Variants in PAK3 observed in about 807,000 individuals in gnomAD.
PAK3 encodes serine/threonine-protein kinase PAK 3.
A neutral mutation model predicts 41.0 loss-of-function variants in PAK3; 4 were observed. The ratio of observed to expected loss-of-function variants is 0.10; its 90% CI spans 0.05 to 0.22. The LOEUF (loss-of-function observed/expected upper bound fraction) is 0.22. Ranked by LOEUF, PAK3 falls within the 10% of genes least tolerant of loss-of-function variation. PAK3 has a pLI of 1.00. For synonymous variants in PAK3, 146 were observed against 139.6 expected (o/e 1.05, Z -0.32); for missense variants, 205 against 409.9 (o/e 0.50, Z 4.32).
chrX:111,090,411 G>T (rs900443828), intron 1 of PAK3, among the ~76,000 whole-genome samples: 1 of 111,557 alleles, frequency 9.0e-6, no homozygotes, highest in African/African-American at 3.3e-5. Flanking sequence ...GGTAGATATG[G>T]AACTCTTCAA....
chrX:110,981,918 C>G (rs751204232), intron 1 of PAK3, among the ~76,000 whole-genome samples: 1 of 111,510 alleles, frequency 9.0e-6, no homozygotes, highest in Non-Finnish European at 1.9e-5. Flanking sequence ...ATGGTGTTTT[C>G]CTTGGCTAGA....
At chrX:111,134,083 A>G (rs1192446138) in intron 5 of PAK3, among the ~76,000 whole-genome samples, 1 of 112,248 alleles carries the variant, frequency 8.9e-6, no homozygotes, top group Non-Finnish European at 1.9e-5. Flanking sequence ...TACAACAAGG[A>G]AGACTCAGGT....
intron 1 of PAK3, among the ~76,000 whole-genome samples, chrX:110,998,834 A>G (rs1190555395): frequency 8.9e-6 from 1 of 112,352 alleles, no homozygotes; most frequent in East Asian, 2.8e-4. Flanking sequence ...GTAGATGTCA[A>G]TGAGTTGAGC....
intron 1 of PAK3, among the ~76,000 whole-genome samples, chrX:110,956,109 G>A (rs1238949174): frequency 8.9e-6 from 1 of 112,008 alleles, no homozygotes; most frequent in Non-Finnish European, 1.9e-5. Context: ...CCAATAGATA[G>A]TGTTTATTTA....
intron 1 of PAK3, among the ~76,000 whole-genome samples, chrX:111,085,883 G>C (rs1161497596): frequency 8.9e-6 from 1 of 112,141 alleles, no homozygotes; most frequent in Non-Finnish European, 1.9e-5. Context: ...GGAAGGAAAC[G>C]GGCAGTGACT....
At chrX:111,082,314 G>C (rs1226436769) in intron 1 of PAK3, among the ~76,000 whole-genome samples, 7 of 111,997 alleles carry the variant, frequency 6.3e-5, no homozygotes, top group Non-Finnish European at 1.3e-4. Flanking sequence ...TTACATAGGT[G>C]GGGATACAAG....
intron 1 of PAK3, among the ~76,000 whole-genome samples, chrX:111,081,941 G>A (rs1020576962): frequency 1.8e-5 from 2 of 110,717 alleles, no homozygotes; most frequent in Non-Finnish European, 3.8e-5. Context: ...ACACACAATA[G>A]GTGTTCAAAA....
intron 5 of PAK3, among the ~76,000 whole-genome samples, chrX:111,135,365 T>G (rs753437248): frequency 1.8e-4 from 20 of 111,159 alleles, no homozygotes; most frequent in African/African-American, 6.5e-4. Flanking sequence ...AAATATTTAG[T>G]GTGGGGGTCT....
At chrX:111,146,886 A>G (rs897095688) in intron 6 of PAK3, among the ~76,000 whole-genome samples, 2 of 111,807 alleles carry the variant, frequency 1.8e-5, no homozygotes, top group Non-Finnish European at 3.8e-5. Context: ...TGAATGCTCA[A>G]TGCAAAGCTA....
intron 1 of PAK3, among the ~76,000 whole-genome samples, chrX:111,014,834 GA>G (rs1478928795): frequency 9.0e-6 from 1 of 111,178 alleles, no homozygotes. Flanking sequence ...TCACTTACTG[GA>G]GCTGTAATGA....
At chrX:111,033,528 G>A (rs1360605155) in intron 1 of PAK3, among the ~76,000 whole-genome samples, 1 of 111,801 alleles carries the variant, frequency 8.9e-6, no homozygotes, top group Non-Finnish European at 1.9e-5. Flanking sequence ...ATCTGAGCTG[G>A]CAAAGGAAGA....
chrX:111,093,878 C>T (rs1392394312), upstream of PAK3, among the ~76,000 whole-genome samples: 1 of 112,037 alleles, frequency 8.9e-6, no homozygotes, highest in Non-Finnish European at 1.9e-5. Flanking sequence ...AAATCAATAG[C>T]CTAGAAGACC....
intron 6 of PAK3, chrX:111,144,942 T>A (rs2093924018): frequency 1.1e-6 from 1 of 908,089 alleles, no homozygotes; most frequent in Admixed American, 2.6e-5. Flanking sequence ...ATATAAATTA[T>A]CATTTCTTAT....
chrX:111,178,938 C>T (rs1198877316), intron 11 of PAK3, among the ~76,000 whole-genome samples: 3 of 104,218 alleles, frequency 2.9e-5, no homozygotes, highest in Non-Finnish European at 5.8e-5. Flanking sequence ...TTTTTTGATG[C>T]ACCTGCATAC....
intron 1 of PAK3, among the ~76,000 whole-genome samples, chrX:111,011,763 G>A (rs896688012): frequency 7.1e-5 from 8 of 112,007 alleles, no homozygotes; most frequent in African/African-American, 2.3e-4. Flanking sequence ...TTTGTATTCA[G>A]GCATGTAAGA....
At chrX:111,079,573 A>T (rs755473019) in intron 1 of PAK3, among the ~76,000 whole-genome samples, 1 of 112,239 alleles carries the variant, frequency 8.9e-6, no homozygotes. Flanking sequence ...ATGGAGATGT[A>T]CAAGGAGATT....
chrX:110,954,085 G>C (rs1471097207), intron 1 of PAK3, among the ~76,000 whole-genome samples: 1 of 110,930 alleles, frequency 9.0e-6, no homozygotes, highest in Non-Finnish European at 1.9e-5. Flanking sequence ...ATTTCCTTCA[G>C]CCATAGGCAC....
At chrX:111,208,576 C>A (rs932489400) in intron 16 of PAK3, among the ~76,000 whole-genome samples, 15 of 112,089 alleles carry the variant, frequency 1.3e-4, no homozygotes, top group Admixed American at 3.8e-4. Flanking sequence ...CTACAGTATT[C>A]AATACAGTCA....
In PAK3 at chrX:111,196,854, C is replaced by CTT. The variant is rs375476309; in HGVS notation, c.1407+231_1407+232dup. Among the ~76,000 whole-genome samples the CTT allele has an allele frequency of 1.1e-3, 86 of 79,236 alleles. 3 individuals are homozygous for CTT. Among genetic ancestry groups the CTT allele is most frequent in the East Asian group, 4.1e-4 (1 of 2,458 alleles). The allele number at this position is 79,236 out of a possible 115,157, so 68.8% of individuals were successfully genotyped here. A position where few individuals can be genotyped will look rare whatever the true frequency, so the allele number is the denominator to read the frequency against. ...TCCTTGTCTTTTTCTTTCTTTCTTT[C>CTT]TTTTTTTTTTTTTTTTTTGGAGAAA... On this transcript the variant is annotated intron_variant, in intron 16 of 17. Transcript: ENST00000372007.
Sources: allele counts gnomAD v4.1 joint callset (sites outside exome capture counted in the v4.1 genomes callset), GRCh38; gene constraint gnomAD v4.1.1; transcripts MANE v1.5; gene names NCBI Gene and HGNC (gene_info 2026-07-23, HGNC 2026-07-21).